Variants in TMEM167B observed in about 807,000 individuals in gnomAD.
TMEM167B encodes protein kish-B.
A neutral mutation model predicts 9.4 loss-of-function variants in TMEM167B; 2 were observed. The observed-to-expected ratio is 0.21, with a 90% CI of 0.09 to 0.67. The LOEUF (loss-of-function observed/expected upper bound fraction) is 0.67, where lower values mean the gene tolerates loss of function less well. TMEM167B is among the 30% of genes least tolerant of loss of function. The pLI is 0.82. For synonymous variants in TMEM167B, 28 were observed against 32.0 expected, an observed-to-expected ratio of 0.87 and a Z score of 0.42; for missense variants, 68 against 87.6, an observed-to-expected ratio of 0.78 and a Z score of 0.89.
chr1:109,091,241 A>C (rs990868300), intron 1 of TMEM167B, among the ~76,000 whole-genome samples: 3 of 152,140 alleles, frequency 2.0e-5, no homozygotes, highest in Non-Finnish European at 2.9e-5. Flanking sequence ...CTGCGTTCTC[A>C]TGCTTTCGGA....
rs1449434582 is a variant in TMEM167B at position 109,096,833 on chromosome 1, G to A, written c.*2334G>A. The A allele has an allele frequency of 6.6e-6, 1 of 152,196 alleles. No homozygotes were observed. Among genetic ancestry groups the A allele is most frequent in the Non-Finnish European group, 1.5e-5 (1 of 68,026 alleles). 9.4% of individuals were successfully genotyped at this position (152,196 alleles called of 1,614,324 possible). Reference sequence around the variant, plus strand: ...ACTGGCATCACCATAAACCCTGTAGGCCAGGGTGGAATGAAGTCAGCTCCT... The same window carrying A: ...ACTGGCATCACCATAAACCCTGTAGACCAGGGTGGAATGAAGTCAGCTCCT... On this transcript the variant is annotated 3_prime_UTR_variant, in exon 3 of 3. Transcript: ENST00000338272.
In TMEM167B at chr1:109,094,544, G is replaced by T. The variant is rs772905282; in HGVS notation, c.*45G>T. On this transcript the variant is annotated 3_prime_UTR_variant, in exon 3 of 3. Transcript: ENST00000338272. ...ATCAACTGCCAACCAAGGGGACGGGGATGAAGAACCTGTTGGAGACCTGAA... is the reference window on the plus strand; with the variant it reads ...ATCAACTGCCAACCAAGGGGACGGGTATGAAGAACCTGTTGGAGACCTGAA... 3 of 1,595,746 alleles carry T rather than the reference G, an allele frequency of 1.9e-6. No homozygotes were observed. Among genetic ancestry groups the T allele is most frequent in the Non-Finnish European group, 2.6e-6 (3 of 1,164,560 alleles).
rs952938815 is a variant in TMEM167B at position 109,094,665 on chromosome 1, CATT to C, written c.*170_*172del. 2 of 644,944 alleles carry C rather than the reference CATT, an allele frequency of 3.1e-6. No individual in the cohort carries two copies. Among genetic ancestry groups the C allele is most frequent in the African/African-American group, 3.6e-5 (2 of 55,128 alleles). The allele number at this position is 644,944 out of a possible 1,614,324, so 40.0% of individuals were successfully genotyped here. On this transcript the variant is annotated 3_prime_UTR_variant, in exon 3 of 3. Coordinates refer to ENST00000338272, the MANE Select transcript of TMEM167B (RefSeq NM_020141.4). ...TGTGGGGAAAACTCATGGTCACGAA[CATT>C]ATTTATGCTTCAGGGGACTACAGAA...
intron 1 of TMEM167B, 39 bp from the exon 2 acceptor site, chr1:109,092,851 A>T (rs763296721): frequency 1.2e-6 from 2 of 1,610,300 alleles, no homozygotes; most frequent in Non-Finnish European, 1.7e-6. Context: ...CCGACGCTAG[A>T]TCAGTACCTA....
At chr1:109,093,295 C>G in intron 2 of TMEM167B, 1 of 366,344 alleles carries the variant, frequency 2.7e-6, no homozygotes, top group Non-Finnish European at 5.1e-6. Context: ...AGTTGTAGAT[C>G]AGCCCGGGCA....
intron 2 of TMEM167B, chr1:109,093,273 C>T (rs1260317103): frequency 2.3e-6 from 1 of 435,270 alleles, no homozygotes; most frequent in Non-Finnish European, 4.2e-6. Flanking sequence ...AGGAGGATTG[C>T]TTGTGTCCAG....
intron 1 of TMEM167B, among the ~76,000 whole-genome samples, chr1:109,092,450 A>T (rs895964005): frequency 2.0e-5 from 3 of 152,112 alleles, no homozygotes; most frequent in Non-Finnish European, 4.4e-5. Flanking sequence ...GTCTCTAAGG[A>T]TTCATATGTC....
At chr1:109,093,276 G>T (rs555031129) in intron 2 of TMEM167B, 3 of 422,476 alleles carry the variant, frequency 7.1e-6, no homozygotes, top group Middle Eastern at 7.1e-4. Context: ...AGGATTGCTT[G>T]TGTCCAGGAG....
Position 109,094,538 on chromosome 1 carries a change from G to A in TMEM167B, c.*39G>A, listed in dbSNP as rs1416780522. The A allele has an allele frequency of 3.1e-6, 5 of 1,602,702 alleles. No homozygotes were observed. The highest frequency in any genetic ancestry group is 1.3e-5 in the African/African-American group (1 of 74,684). On this transcript the variant is annotated 3_prime_UTR_variant, in exon 3 of 3. Transcript: ENST00000338272. ...CAAGTCATCAACTGCCAACCAAGGG[G>A]ACGGGGATGAAGAACCTGTTGGAGA...
At chr1:109,092,314 C>T (rs985775370) in intron 1 of TMEM167B, among the ~76,000 whole-genome samples, 1 of 152,122 alleles carries the variant, frequency 6.6e-6, no homozygotes, top group African/African-American at 2.4e-5. Flanking sequence ...TTTCATTAAG[C>T]TTAATTTTTT....
At chr1:109,093,126 A>G in intron 2 of TMEM167B, 105 bp downstream of exon 2, 1 of 1,473,802 alleles carries the variant, frequency 6.8e-7, no homozygotes. Flanking sequence ...TTTCATTTTT[A>G]GAAAAAAATC....
At chr1:109,094,308 T>G (rs2102128860) in intron 2 of TMEM167B, 109 bp from the exon 3 acceptor site, 707 of 1,077,468 alleles carry the variant, frequency 6.6e-4, no homozygotes, top group Non-Finnish European at 9.3e-4. Context: ...CCCAGGCCCT[T>G]GAGAGCGTTG....
At chr1:109,091,431 G>A (rs1449210646) in intron 1 of TMEM167B, among the ~76,000 whole-genome samples, 2 of 152,190 alleles carry the variant, frequency 1.3e-5, no homozygotes, top group African/African-American at 2.4e-5. Context: ...GTGTTGCAAA[G>A]GGTGGATTTA....
chr1:109,090,882 G>T lies in TMEM167B; in HGVS notation c.10G>T (p.Val4Leu), dbSNP rs1328110669. 1.9e-6 allele frequency: 3 copies of T among 1,594,932 alleles called. No homozygotes were observed. The highest frequency in any genetic ancestry group is 2.6e-6 in the Non-Finnish European group (3 of 1,170,560). ...TCCAGGGCCAGCCGCCATGACGAAC[G>T]GTGAGAACTGATGCCCTGAGCGGAG... MTNVYSLDGILVFG... is the reference protein window; with the variant it reads MTNLYSLDGILVFG... Residue 4 changes from valine to leucine, a missense_variant and splice_region_variant, in exon 1 of 3, where the codon GTG (valine) becomes TTG (leucine). Val to Leu is a conservative substitution (Grantham distance 32). Transcript: ENST00000338272.
chr1:109,094,579 GGA>G lies in TMEM167B; in HGVS notation c.*84_*85del. On this transcript the variant is annotated 3_prime_UTR_variant, in exon 3 of 3. Coordinates refer to ENST00000338272, the MANE Select transcript of TMEM167B (RefSeq NM_020141.4). ...CTGTTGGAGACCTGAACCCAGTGTA[GGA>G]GAGTTCAGCTGAAATCATCGGTCCC... 7.2e-7 allele frequency: 1 copy of G among 1,381,178 alleles called. No individual in the cohort carries two copies. The highest frequency in any genetic ancestry group is 1.2e-5 in the South Asian group (1 of 85,440). The allele number at this position is 1,381,178 out of a possible 1,614,324, so 85.6% of individuals were successfully genotyped here. A position where few individuals can be genotyped will look rare whatever the true frequency, so the allele number is the denominator to read the frequency against.
chr1:109,092,829 G>A (rs1664480057), intron 1 of TMEM167B, 61 bp from the exon 2 acceptor site: 7 of 1,585,326 alleles, frequency 4.4e-6, no homozygotes, highest in Non-Finnish European at 6.0e-6. Context: ...GTTCTCAGGC[G>A]GGATCACAGG....
rs1664576468 is a variant in TMEM167B, at chr1:109,096,763, T to C, written c.*2264T>C. On this transcript the variant is annotated 3_prime_UTR_variant, in exon 3 of 3. Transcript: ENST00000338272. Reference sequence around the variant, plus strand: ...GAATGTTATTCCTCTGGGGGAATCTTTTACAGGTGGAGGAATGGGGATAGC... The same window carrying C: ...GAATGTTATTCCTCTGGGGGAATCTCTTACAGGTGGAGGAATGGGGATAGC... 1 of 152,214 alleles carries C rather than the reference T, an allele frequency of 6.6e-6. No individual in the cohort carries two copies. The highest frequency in any genetic ancestry group is 2.4e-5 in the African/African-American group (1 of 41,454). 9.4% of individuals were successfully genotyped at this position (152,214 alleles called of 1,614,324 possible).
chr1:109,094,641 G>C lies in TMEM167B; in HGVS notation c.*142G>C. Reference sequence around the variant, plus strand: ...ACCACAGCATCTGCCCCTGCTATATGTGGGGAAAACTCATGGTCACGAACA... The same window carrying C: ...ACCACAGCATCTGCCCCTGCTATATCTGGGGAAAACTCATGGTCACGAACA... On this transcript the variant is annotated 3_prime_UTR_variant, in exon 3 of 3. Coordinates refer to ENST00000338272, the MANE Select transcript of TMEM167B (RefSeq NM_020141.4). 4.0e-6 allele frequency: 3 copies of C among 742,248 alleles called. No individual in the cohort carries two copies. The highest frequency in any genetic ancestry group is 6.8e-6 in the Non-Finnish European group (3 of 440,874). 46.0% of individuals were successfully genotyped at this position (742,248 alleles called of 1,614,324 possible).
At chr1:109,092,795 A>G (rs1018065366) in intron 1 of TMEM167B, 95 bp from the exon 2 acceptor site, 11 of 1,403,320 alleles carry the variant, frequency 7.8e-6, no homozygotes, top group Non-Finnish European at 1.1e-5. Flanking sequence ...TTTTGTTATT[A>G]TGTCACACAC....
Sources: gnomAD v4.1 joint callset for allele counts (sites outside exome capture counted in the v4.1 genomes callset) on GRCh38, gnomAD v4.1.1 for gene constraint, MANE v1.5 for transcripts, NCBI Gene and HGNC (gene_info 2026-07-23, HGNC 2026-07-21) for gene names.